LIN28B: variants seen among roughly 807,000 people sequenced by gnomAD.
LIN28B encodes lin-28 RNA binding posttranscriptional regulator B.
A neutral mutation model predicts 21.9 loss-of-function variants in LIN28B; 5 were observed. The ratio of observed to expected loss-of-function variants is 0.23; its 90% CI spans 0.12 to 0.48. LIN28B has a LOEUF of 0.48. Among genes scored for constraint, LIN28B ranks in the 20% least tolerant of loss-of-function variants. LIN28B has a pLI of 0.98. For synonymous variants in LIN28B, 109 were observed against 111.3 expected, an observed-to-expected ratio of 0.98 and a Z score of 0.13; for missense variants, 245 against 310.5, an observed-to-expected ratio of 0.79 and a Z score of 1.58.
At chr6:104,956,238 C>T (rs1185703765), upstream of LIN28B, among the ~76,000 whole-genome samples, 1 of 152,068 alleles carries the variant, frequency 6.6e-6, no homozygotes, top group South Asian at 2.1e-4. Flanking sequence ...TGGCGATCCC[C>T]TCCCCCTCCT....
At chr6:105,036,914 A>G (rs538108022) in intron 3 of LIN28B, among the ~76,000 whole-genome samples, 1 of 151,790 alleles carries the variant, frequency 6.6e-6, no homozygotes, top group Non-Finnish European at 1.5e-5. Flanking sequence ...TATTTTAGAA[A>G]TTTGATATCC....
At chr6:105,012,178 C>T (rs554799436) in intron 2 of LIN28B, among the ~76,000 whole-genome samples, 1 of 148,350 alleles carries the variant, frequency 6.7e-6, no homozygotes, top group South Asian at 2.1e-4. Flanking sequence ...TAAAATAAAC[C>T]GACCTTGGGC....
intron 2 of LIN28B, chr6:104,940,233 G>T: frequency 5.9e-6 from 1 of 168,920 alleles, no homozygotes. Flanking sequence ...AAGAAAAGAA[G>T]ACCTGGGCTT....
rs145567994 is a variant in LIN28B at position 104,940,200 on chromosome 6, G to T, written c.18+3084G>T. 306 of 169,256 alleles carry T rather than the reference G, an allele frequency of 1.8e-3. 1 individual carries two copies. The highest frequency in any genetic ancestry group is 6.9e-3 in the African/African-American group (288 of 41,660). 10.5% of individuals were successfully genotyped at this position (169,256 alleles called of 1,614,324 possible). A position where few individuals can be genotyped will look rare whatever the true frequency, so the allele number is the denominator to read the frequency against. On this transcript the variant is annotated intron_variant, in intron 2 of 5. Transcript: ENST00000635857. ...TACCTTGAATTGTGCTGTTCGGAATGATGTCCAGGGCATCTGTAGTAAAAG... is the reference window on the plus strand; with the variant it reads ...TACCTTGAATTGTGCTGTTCGGAATTATGTCCAGGGCATCTGTAGTAAAAG...
intron 2 of LIN28B, among the ~76,000 whole-genome samples, chr6:104,946,115 A>T (rs1778153866): frequency 6.6e-6 from 1 of 151,958 alleles, no homozygotes; most frequent in African/African-American, 2.4e-5. Flanking sequence ...ATAAGAAATA[A>T]TGCAACTTTG....
At chr6:105,047,110 G>A (rs1771785599) in intron 3 of LIN28B, among the ~76,000 whole-genome samples, 1 of 152,066 alleles carries the variant, frequency 6.6e-6, no homozygotes, top group African/African-American at 2.4e-5. Context: ...TGTCCTGAAT[G>A]GTATTGCCTA....
intron 3 of LIN28B, among the ~76,000 whole-genome samples, chr6:105,056,542 G>C (rs1167731632): frequency 6.6e-6 from 1 of 152,004 alleles, no homozygotes; most frequent in Non-Finnish European, 1.5e-5. Flanking sequence ...GTGGTTTCTT[G>C]ACTTCTGGCC....
At chr6:104,966,322 T>C (rs1197172217) in intron 2 of LIN28B, among the ~76,000 whole-genome samples, 2 of 152,168 alleles carry the variant, frequency 1.3e-5, no homozygotes, top group Non-Finnish European at 2.9e-5. Flanking sequence ...TCATCTTTAT[T>C]TTAGAGGGTT....
intron 3 of LIN28B, among the ~76,000 whole-genome samples, chr6:105,071,865 C>T (rs184987133): frequency 6.6e-6 from 1 of 152,180 alleles, no homozygotes; most frequent in Non-Finnish European, 1.5e-5. Flanking sequence ...TAATCTTAAA[C>T]ATATGATTAA....
chr6:105,017,857 T>G (rs1452605049), intron 2 of LIN28B, among the ~76,000 whole-genome samples: 7 of 152,214 alleles, frequency 4.6e-5, no homozygotes, highest in Non-Finnish European at 7.3e-5. Flanking sequence ...TATACCCATG[T>G]GACAGACCTG....
chr6:104,980,518 C>T (rs972143391), intron 2 of LIN28B, among the ~76,000 whole-genome samples: 2 of 152,036 alleles, frequency 1.3e-5, no homozygotes, highest in African/African-American at 4.8e-5. Context: ...TGTATATATT[C>T]CTTTTATGAT....
intron 3 of LIN28B, among the ~76,000 whole-genome samples, chr6:105,053,410 T>TGC (rs1439821646): frequency 6.7e-6 from 1 of 149,824 alleles, no homozygotes; most frequent in East Asian, 2.0e-4. Context: ...TGTGTGTGTG[T>TGC]GTGCACGTGC....
intron 2 of LIN28B, among the ~76,000 whole-genome samples, chr6:104,973,621 T>C (rs1770023434): frequency 6.6e-6 from 1 of 152,256 alleles, no homozygotes; most frequent in Non-Finnish European, 1.5e-5. Context: ...AGTGTCTGTC[T>C]TTAGCAGAAG....
intron 3 of LIN28B, among the ~76,000 whole-genome samples, chr6:105,061,958 C>A (rs1772128581): frequency 6.6e-6 from 1 of 151,768 alleles, no homozygotes; most frequent in African/African-American, 2.4e-5. Context: ...TTTCCATTTT[C>A]TTTTCCAAGC....
At chr6:104,962,762 G>C (rs1416310065) in intron 2 of LIN28B, among the ~76,000 whole-genome samples, 1 of 151,868 alleles carries the variant, frequency 6.6e-6, no homozygotes, top group Non-Finnish European at 1.5e-5. Context: ...GTTTAGTTTT[G>C]TTATAGTTAA....
At chr6:105,060,441 TTTTG>T (rs1455337910) in intron 3 of LIN28B, among the ~76,000 whole-genome samples, 1 of 152,126 alleles carries the variant, frequency 6.6e-6, no homozygotes, top group African/African-American at 2.4e-5. Flanking sequence ...ATAATTAATT[TTTTG>T]TTTGTTCGTT....
chr6:105,036,823 C>CTT (rs1288051525), intron 3 of LIN28B, among the ~76,000 whole-genome samples: 1 of 152,090 alleles, frequency 6.6e-6, no homozygotes, highest in African/African-American at 2.4e-5. Context: ...AGCTTTCTTG[C>CTT]TTTAGACTGT....
intron 2 of LIN28B, among the ~76,000 whole-genome samples, chr6:104,947,934 T>G (rs1010526136): frequency 6.6e-6 from 1 of 152,052 alleles, no homozygotes; most frequent in Non-Finnish European, 1.5e-5. Context: ...TAGAGTTCAG[T>G]TGGGAGAGAG....
At chr6:104,965,665 G>T (rs924660997) in intron 2 of LIN28B, among the ~76,000 whole-genome samples, 1 of 152,184 alleles carries the variant, frequency 6.6e-6, no homozygotes, top group East Asian at 1.9e-4. Flanking sequence ...GGGATTACAG[G>T]CATGAGCAAC....
Sources: gnomAD v4.1 joint callset for allele counts (sites outside exome capture counted in the v4.1 genomes callset) on GRCh38, gnomAD v4.1.1 for gene constraint, MANE v1.5 for transcripts, NCBI Gene and HGNC (gene_info 2026-07-23, HGNC 2026-07-21) for gene names.